CDH12: variants seen among roughly 807,000 people sequenced by gnomAD.
CDH12 encodes the protein cadherin-12.
CDH12 carries 41 observed loss-of-function variants against 74.1 expected under a neutral mutation model. That is an observed-to-expected ratio of 0.55 (90% CI 0.43 to 0.72). CDH12 has a LOEUF of 0.72. Ranked by LOEUF, CDH12 falls within the 30% of genes least tolerant of loss-of-function variation. CDH12 has a pLI of 0.00. For missense variants in CDH12, 945 were observed against 977.2 expected (o/e 0.97, Z 0.44); for synonymous variants, 399 against 355.0 (o/e 1.12, Z -1.39).
chr5:22,551,243 G>T (rs763947028), intron 1 of CDH12, among the ~76,000 whole-genome samples: 1 of 152,198 alleles, frequency 6.6e-6, no homozygotes, highest in Non-Finnish European at 1.5e-5. Context: ...CAGGAAGAAG[G>T]TGGCCATGTG....
At chr5:22,547,809 T>C (rs890515522) in intron 1 of CDH12, among the ~76,000 whole-genome samples, 3 of 152,158 alleles carry the variant, frequency 2.0e-5, no homozygotes, top group Non-Finnish European at 4.4e-5. Flanking sequence ...AAATATCTAA[T>C]GAATAAAACA....
At chr5:22,629,935 A>G (rs1391511909) in intron 1 of CDH12, among the ~76,000 whole-genome samples, 1 of 152,144 alleles carries the variant, frequency 6.6e-6, no homozygotes, top group East Asian at 1.9e-4. Context: ...ATCAATATAC[A>G]AAAATTAGTA....
At chr5:22,544,873 A>G (rs750668539) in intron 1 of CDH12, among the ~76,000 whole-genome samples, 40 of 152,056 alleles carry the variant, frequency 2.6e-4, no homozygotes, top group Non-Finnish European at 3.8e-4. Flanking sequence ...TCCTTCCCAT[A>G]TAGTCACCAT....
At chr5:22,292,710 C>T (rs1017434419) in intron 3 of CDH12, among the ~76,000 whole-genome samples, 2 of 151,904 alleles carry the variant, frequency 1.3e-5, no homozygotes, top group Non-Finnish European at 2.9e-5. Flanking sequence ...GACATCATAC[C>T]TGTTACTGTG....
chr5:21,942,345 T>TACACAC (rs777181583), intron 6 of CDH12, among the ~76,000 whole-genome samples: 3 of 99,082 alleles, frequency 3.0e-5, no homozygotes, highest in Non-Finnish European at 6.1e-5. Context: ...TATATATATA[T>TACACAC]ATACACACAC....
At chr5:22,759,588 G>A (rs537460720) in intron 1 of CDH12, among the ~76,000 whole-genome samples, 1 of 152,130 alleles carries the variant, frequency 6.6e-6, no homozygotes, top group South Asian at 2.1e-4. Context: ...AATCTGAACT[G>A]GCTCCTTGAA....
At chr5:22,570,649 A>G (rs2126765264) in intron 1 of CDH12, among the ~76,000 whole-genome samples, 1 of 152,306 alleles carries the variant, frequency 6.6e-6, no homozygotes, top group African/African-American at 2.4e-5. Context: ...CACAGAGTAG[A>G]TTTAGCATAA....
chr5:21,927,324 G>A (rs1333538237), intron 6 of CDH12, among the ~76,000 whole-genome samples: 3 of 152,078 alleles, frequency 2.0e-5, no homozygotes, highest in East Asian at 1.9e-4. Context: ...GGTGGCTCAC[G>A]CCTGTAATCC....
At chr5:22,504,813 T>G (rs756987566) in intron 2 of CDH12, among the ~76,000 whole-genome samples, 3 of 152,052 alleles carry the variant, frequency 2.0e-5, no homozygotes, top group Non-Finnish European at 4.4e-5. Flanking sequence ...CTGTTTCCTA[T>G]GTGAGAGTTT....
intron 3 of CDH12, among the ~76,000 whole-genome samples, chr5:22,260,507 G>T (rs1056008193): frequency 1.3e-5 from 2 of 151,968 alleles, no homozygotes. Context: ...TGTTTTAAAT[G>T]ATTTTTTAGC....
intron 8 of CDH12, among the ~76,000 whole-genome samples, chr5:21,837,921 A>G (rs1200801851): frequency 6.6e-6 from 1 of 152,162 alleles, no homozygotes; most frequent in Non-Finnish European, 1.5e-5. Context: ...TAATTTGATC[A>G]CAGTGATCTC....
intron 2 of CDH12, among the ~76,000 whole-genome samples, chr5:22,451,144 T>C (rs1047851748): frequency 2.0e-5 from 3 of 151,868 alleles, no homozygotes; most frequent in African/African-American, 7.2e-5. Flanking sequence ...TTGTGTGTCA[T>C]GAGAACAGGG....
chr5:22,366,078 C>T (rs1225361652), intron 3 of CDH12, among the ~76,000 whole-genome samples: 3 of 152,028 alleles, frequency 2.0e-5, no homozygotes, highest in East Asian at 3.9e-4. Context: ...CCTGCCTCAG[C>T]CTCCTGAGTA....
chr5:21,797,583 G>C (rs190800228), intron 10 of CDH12, among the ~76,000 whole-genome samples: 2 of 152,110 alleles, frequency 1.3e-5, no homozygotes, highest in East Asian at 3.9e-4. Context: ...TGTCAAGTGG[G>C]CCGACTGCGA....
At chr5:21,759,953 T>C (rs1237476324) in intron 13 of CDH12, among the ~76,000 whole-genome samples, 1 of 152,170 alleles carries the variant, frequency 6.6e-6, no homozygotes, top group Non-Finnish European at 1.5e-5. Context: ...CTTCTGTTCC[T>C]GTGTTAGTTT....
intron 1 of CDH12, among the ~76,000 whole-genome samples, chr5:22,765,220 C>T (rs1048195538): frequency 2.1e-4 from 32 of 151,788 alleles, no homozygotes; most frequent in Non-Finnish European, 3.1e-4. Context: ...AAAGGAAGCC[C>T]ACACAAAAAC....
intron 2 of CDH12, among the ~76,000 whole-genome samples, chr5:22,482,742 C>T (rs540490810): frequency 5.3e-5 from 8 of 152,210 alleles, no homozygotes; most frequent in African/African-American, 9.6e-5. Flanking sequence ...TACTCACTAT[C>T]GTATGTTAAG....
chr5:22,803,070 C>A (rs1049099708), intron 1 of CDH12, among the ~76,000 whole-genome samples: 2 of 152,126 alleles, frequency 1.3e-5, no homozygotes, highest in Non-Finnish European at 2.9e-5. Context: ...CATCAACTTT[C>A]CCACTTACCA....
chr5:22,847,433 G>C (rs527261804), intron 1 of CDH12, among the ~76,000 whole-genome samples: 1 of 152,212 alleles, frequency 6.6e-6, no homozygotes, highest in East Asian at 1.9e-4. Flanking sequence ...GTTATCTGCT[G>C]TTACTTCAAT....
Sources: gnomAD v4.1 joint callset for allele counts (sites outside exome capture counted in the v4.1 genomes callset) on GRCh38, gnomAD v4.1.1 for gene constraint, MANE v1.5 for transcripts, NCBI Gene and HGNC (gene_info 2026-07-23, HGNC 2026-07-21) for gene names.